Variants in HEG1 observed in about 807,000 individuals in gnomAD.
HEG1 encodes protein HEG homolog 1.
Under a neutral mutation model 125.6 loss-of-function variants are expected in HEG1, and 56 were observed. That is an observed-to-expected ratio of 0.45 (90% CI 0.36 to 0.56). HEG1 has a LOEUF of 0.56. Ranked by LOEUF, HEG1 falls within the 20% of genes least tolerant of loss-of-function variation. HEG1 has a pLI of 0.00. For missense variants in HEG1, 1,523 were observed against 1,670.0 expected (o/e 0.91, Z 1.53); for synonymous variants, 644 against 668.5 (o/e 0.96, Z 0.57).
intron 9 of HEG1, among the ~76,000 whole-genome samples, chr3:125,003,398 C>T (rs909347599): frequency 5.9e-5 from 9 of 152,308 alleles, no homozygotes; most frequent in East Asian, 1.9e-4. Flanking sequence ...ACCTGCAGCA[C>T]GACCAACAGG....
chr3:125,028,907 T>G (rs552072202), intron 2 of HEG1, among the ~76,000 whole-genome samples: 1 of 152,286 alleles, frequency 6.6e-6, no homozygotes. Context: ...CAAAACCTAC[T>G]GCCTCTGAGA....
chr3:125,046,017 G>A lies in HEG1; in HGVS notation c.316+9558C>T, dbSNP rs138550789. Among the ~76,000 whole-genome samples, 1,489 of 152,218 alleles carry A rather than the reference G, an allele frequency of 9.8e-3. 23 individuals are homozygous for A. Among genetic ancestry groups the A allele is most frequent in the South Asian group, 0.04 (192 of 4,806 alleles). ...TCCTCAAAAACCTTGTTAGGAGCAG[G>A]AAAGTCTTTATTATCCTCATTTTTA... On this transcript the variant is annotated intron_variant, in intron 1 of 16. Coordinates refer to ENST00000311127, the MANE Select transcript of HEG1 (RefSeq NM_020733.2).
At chr3:125,014,099 G>T in intron 5 of HEG1, 109 bp from the exon 6 acceptor site, 2 of 1,002,896 alleles carry the variant, frequency 2.0e-6, no homozygotes, top group Non-Finnish European at 2.8e-6. Context: ...ATTCAAGTGG[G>T]TGAAACACTT....
intron 4 of HEG1, among the ~76,000 whole-genome samples, 187 bp from the exon 5 acceptor site, chr3:125,019,784 G>A (rs982343167): frequency 6.6e-6 from 1 of 152,152 alleles, no homozygotes; most frequent in African/African-American, 2.4e-5. Flanking sequence ...CAGCAAGAGA[G>A]TAATACAAAA....
chr3:125,039,486 G>A (rs942165291), intron 1 of HEG1, among the ~76,000 whole-genome samples: 6 of 152,008 alleles, frequency 3.9e-5, no homozygotes, highest in African/African-American at 9.7e-5. Flanking sequence ...CTCAACCCCC[G>A]CAGCGGGCCA....
chr3:124,989,728 T>C (rs1346258708), intron 14 of HEG1, among the ~76,000 whole-genome samples: 1 of 152,166 alleles, frequency 6.6e-6, no homozygotes. Flanking sequence ...CTAGCATGCC[T>C]GGTGGGACTA....
intron 8 of HEG1, 32 bp from the exon 9 acceptor site, chr3:125,005,400 A>T (rs1218239901): frequency 8.1e-7 from 1 of 1,230,108 alleles, no homozygotes; most frequent in Admixed American, 2.2e-5. Context: ...GTTAGATTAC[A>T]CAACAGAAGA....
At position 124,966,599 on chromosome 3, in the gene HEG1, G is replaced by A. The variant is rs1297430347; in HGVS notation, c.*4053C>T. 1 of 152,150 alleles carries A rather than the reference G, an allele frequency of 6.6e-6. No individual in the cohort carries two copies. The highest frequency in any genetic ancestry group is 2.4e-5 in the African/African-American group (1 of 41,422). The allele number at this position is 152,150 out of a possible 1,614,324, so 9.4% of individuals were successfully genotyped here. A position where few individuals can be genotyped will look rare whatever the true frequency, so the allele number is the denominator to read the frequency against. Reference sequence around the variant, plus strand: ...AAAAGCTTTCAGACAGGAAAAAAAAGATGCTACTAAGGGTAATTTCAAGTA... The same window carrying A: ...AAAAGCTTTCAGACAGGAAAAAAAAAATGCTACTAAGGGTAATTTCAAGTA... On this transcript the variant is annotated 3_prime_UTR_variant, in exon 17 of 17. Transcript: ENST00000311127.
chr3:125,013,148 T>C lies in HEG1; in HGVS notation c.2431A>G (p.Thr811Ala), dbSNP rs1403267766. Residue 811 changes from threonine (T) to alanine (A), a missense_variant, in exon 6 of 17, where the codon ACA becomes GCA. Coordinates refer to ENST00000311127, the MANE Select transcript of HEG1 (RefSeq NM_020733.2). ...AAGGATGGAGGCAAAGGAGAGTTTG[T>C]TGTTACAGCTTTGGTGGACTCTGTG... The part of the protein sequence containing the change: ...LPTESTKAVT[T>A]NSPLPPSLTE... 2 of 1,614,004 alleles carry C rather than the reference T, an allele frequency of 1.2e-6. No homozygotes were observed. The highest frequency in any genetic ancestry group is 1.7e-5 in the Admixed American group (1 of 60,022).
chr3:125,011,060 G>A (rs1560024291), intron 6 of HEG1, among the ~76,000 whole-genome samples: 2 of 152,106 alleles, frequency 1.3e-5, no homozygotes, highest in African/African-American at 4.8e-5. Flanking sequence ...ATCTCCAAAT[G>A]TAACTCAGCC....
intron 3 of HEG1, 62 bp downstream of exon 3, chr3:125,027,143 C>T (rs1937425731): frequency 7.1e-7 from 1 of 1,405,408 alleles, no homozygotes; most frequent in Admixed American, 2.5e-5. Context: ...GCTGGCTATG[C>T]ACATTGATTT....
chr3:124,973,846 G>A lies in HEG1; in HGVS notation c.3881C>T (p.Pro1294Leu), dbSNP rs571762068. ...IFKSGDFQMS[P>L]YAEYPKNPRS... ...AGGATTTTTGGGGTATTCAGCATAC[G>A]GGGACATTTGGAAATCTCCACTTTT... The change falls in exon 16 of 17, where the codon CCG (proline) becomes CTG (leucine). Residue 1294 changes from proline to leucine, a missense_variant. Transcript: ENST00000311127. The A allele has an allele frequency of 2.0e-5, 32 of 1,612,760 alleles. No homozygotes were observed. In the South Asian group the frequency reaches 3.4e-4, roughly 17 times the overall value.
chr3:124,976,762 G>A (rs950180475), intron 15 of HEG1, among the ~76,000 whole-genome samples: 7 of 152,074 alleles, frequency 4.6e-5, no homozygotes, highest in African/African-American at 1.7e-4. Flanking sequence ...AAAGCTGGTT[G>A]TTCAAAAGAG....
At chr3:124,971,149 C>G (rs1447394388) in intron 16 of HEG1, 1 of 477,696 alleles carries the variant, frequency 2.1e-6, no homozygotes, top group Non-Finnish European at 4.1e-6. Context: ...AAAAGGCTCC[C>G]TGGGAATAAG....
chr3:124,995,068 G>A (rs964742371), intron 12 of HEG1, among the ~76,000 whole-genome samples: 1 of 152,194 alleles, frequency 6.6e-6, no homozygotes, highest in Admixed American at 6.5e-5. Flanking sequence ...GGAGGCCGAA[G>A]TGGGTGGATT....
intron 14 of HEG1, among the ~76,000 whole-genome samples, chr3:124,988,655 A>C (rs1936782637): frequency 6.6e-6 from 1 of 152,168 alleles, no homozygotes; most frequent in Admixed American, 6.5e-5. Flanking sequence ...ACGGTGGCTC[A>C]CGCCTGGAAT....
At chr3:125,017,508 C>T (rs920800345) in intron 5 of HEG1, among the ~76,000 whole-genome samples, 4 of 152,144 alleles carry the variant, frequency 2.6e-5, no homozygotes, top group African/African-American at 9.7e-5. Context: ...AAATACAAGT[C>T]AAAACCACAA....
intron 1 of HEG1, among the ~76,000 whole-genome samples, chr3:125,034,063 A>G (rs1389521810): frequency 6.6e-6 from 1 of 151,920 alleles, no homozygotes; most frequent in East Asian, 1.9e-4. Context: ...TCTCCAATAC[A>G]CACACATCCT....
At chr3:125,020,550 G>C (rs1327689246) in intron 4 of HEG1, among the ~76,000 whole-genome samples, 2 of 152,092 alleles carry the variant, frequency 1.3e-5, no homozygotes. Context: ...GAGCTAAATG[G>C]CCAGGCACCC....
Sources: gnomAD v4.1 joint callset for allele counts (sites outside exome capture counted in the v4.1 genomes callset) on GRCh38, gnomAD v4.1.1 for gene constraint, MANE v1.5 for transcripts, NCBI Gene and HGNC (gene_info 2026-07-23, HGNC 2026-07-21) for gene names.